AFG2A: variants seen among roughly 807,000 people sequenced by gnomAD.
AFG2A encodes AAA ATPase AFG2A.
the AFG2A span, among the ~76,000 whole-genome samples, chr4:123,092,282 A>G: frequency 6.6e-6 from 1 of 152,200 alleles, no homozygotes; most frequent in Non-Finnish European, 1.5e-5. Context: ...GAATCCAGAA[A>G]AATCTTTCTC....
the AFG2A span, among the ~76,000 whole-genome samples, chr4:123,142,429 A>G: frequency 6.6e-6 from 1 of 152,182 alleles, no homozygotes; most frequent in Admixed American, 6.5e-5. Context: ...CGTCATATAA[A>G]TAAATATATT....
chr4:123,295,614 C>A, the AFG2A span, among the ~76,000 whole-genome samples: 5 of 152,262 alleles, frequency 3.3e-5, no homozygotes, highest in African/African-American at 9.6e-5. Flanking sequence ...AATCCCAACT[C>A]TGGGAGGCCA....
chr4:123,023,783 A>G, the AFG2A span, among the ~76,000 whole-genome samples: 3 of 152,032 alleles, frequency 2.0e-5, no homozygotes, highest in African/African-American at 7.2e-5. Flanking sequence ...CAGCTTCAAT[A>G]TGATTACCCA....
the AFG2A span, among the ~76,000 whole-genome samples, chr4:123,201,335 A>G: frequency 1.3e-5 from 2 of 152,216 alleles, no homozygotes; most frequent in Admixed American, 1.3e-4. Context: ...ACAACAATCT[A>G]CGTTTCCCAA....
the AFG2A span, among the ~76,000 whole-genome samples, chr4:123,290,292 T>C: frequency 6.6e-6 from 1 of 152,166 alleles, no homozygotes; most frequent in Admixed American, 6.5e-5. Context: ...TGTCCAGCAA[T>C]CTTCCTTAGG....
chr4:123,225,420 T>A, the AFG2A span, among the ~76,000 whole-genome samples: 4 of 152,204 alleles, frequency 2.6e-5, no homozygotes, highest in African/African-American at 9.7e-5. Flanking sequence ...GTTTCAGCTT[T>A]CTACATATGG....
At chr4:123,300,171 G>A in the AFG2A span, among the ~76,000 whole-genome samples, 1 of 152,154 alleles carries the variant, frequency 6.6e-6, no homozygotes, top group Non-Finnish European at 1.5e-5. Flanking sequence ...AAGAAAGAAT[G>A]TTTAAGTTTG....
the AFG2A span, among the ~76,000 whole-genome samples, chr4:123,146,373 G>A: frequency 1.3e-5 from 2 of 152,144 alleles, no homozygotes; most frequent in African/African-American, 2.4e-5. Flanking sequence ...AAAGAAATAA[G>A]AGCCAAGTAA....
the AFG2A span, among the ~76,000 whole-genome samples, chr4:123,035,461 T>G: frequency 1.3e-5 from 2 of 152,200 alleles, no homozygotes; most frequent in African/African-American, 4.8e-5. Context: ...AACATCAATA[T>G]TAAACAAAGA....
chr4:123,095,869 T>A, the AFG2A span, among the ~76,000 whole-genome samples: 1 of 152,140 alleles, frequency 6.6e-6, no homozygotes, highest in Non-Finnish European at 1.5e-5. Context: ...TTTAGGTTAG[T>A]ATGTTAAAAC....
At chr4:122,985,835 G>C in the AFG2A span, among the ~76,000 whole-genome samples, 1 of 148,388 alleles carries the variant, frequency 6.7e-6, no homozygotes, top group Non-Finnish European at 1.5e-5. Context: ...GTTTGTTCTT[G>C]TTTCTCTAAT....
the AFG2A span, chr4:122,923,364 A>G: frequency 6.2e-7 from 1 of 1,600,500 alleles, no homozygotes; most frequent in Non-Finnish European, 8.5e-7. Flanking sequence ...GGGGCGGGAG[A>G]CTCAGTGATA....
the AFG2A span, among the ~76,000 whole-genome samples, chr4:123,127,273 T>C: frequency 6.6e-6 from 1 of 152,156 alleles, no homozygotes; most frequent in Non-Finnish European, 1.5e-5. Flanking sequence ...AGGAAGTCAA[T>C]AATGAAACCA....
the AFG2A span, among the ~76,000 whole-genome samples, chr4:123,161,280 A>G: frequency 6.6e-6 from 1 of 152,190 alleles, no homozygotes; most frequent in Non-Finnish European, 1.5e-5. Flanking sequence ...CTTTGGCCTC[A>G]AAATTAGAAC....
the AFG2A span, among the ~76,000 whole-genome samples, chr4:123,302,775 T>C: frequency 6.6e-6 from 1 of 152,156 alleles, no homozygotes; most frequent in African/African-American, 2.4e-5. Flanking sequence ...CAGGCACCTA[T>C]GGGACTATAA....
the AFG2A span, among the ~76,000 whole-genome samples, chr4:123,064,269 A>C: frequency 6.6e-6 from 1 of 152,208 alleles, no homozygotes; most frequent in Non-Finnish European, 1.5e-5. Context: ...AGGGTAACAT[A>C]GCTCTTTGGA....
At chr4:123,311,515 T>C in the AFG2A span, among the ~76,000 whole-genome samples, 1 of 151,080 alleles carries the variant, frequency 6.6e-6, no homozygotes, top group Non-Finnish European at 1.5e-5. Context: ...TAGTCCCAGC[T>C]ACTCAGGAGG....
chr4:123,282,604 T>C, the AFG2A span, among the ~76,000 whole-genome samples: 2 of 152,116 alleles, frequency 1.3e-5, no homozygotes, highest in African/African-American at 4.8e-5. Context: ...CCTTAGATCA[T>C]TGTTACCCTT....
the AFG2A span, among the ~76,000 whole-genome samples, chr4:123,042,749 T>C: frequency 1.3e-5 from 2 of 152,220 alleles, no homozygotes; most frequent in Non-Finnish European, 2.9e-5. Context: ...ATCTATACTA[T>C]ACATACTTAC....
Sources: gnomAD v4.1 joint callset for allele counts (sites outside exome capture counted in the v4.1 genomes callset) on GRCh38, gnomAD v4.1.1 for gene constraint, MANE v1.5 for transcripts, NCBI Gene and HGNC (gene_info 2026-07-23, HGNC 2026-07-21) for gene names.